The following THSD4 variants were observed in gnomAD, a reference collection of about 807,000 sequenced individuals.
THSD4 encodes the protein thrombospondin type-1 domain-containing protein 4.
In THSD4, 69 loss-of-function variants were observed where a neutral mutation model predicts 119.0. That is an observed-to-expected ratio of 0.58 (90% CI 0.48 to 0.71). THSD4 has a LOEUF of 0.71. Among genes scored for constraint, THSD4 ranks in the 30% least tolerant of loss-of-function variants. The pLI is 0.00. For synonymous variants in THSD4, 524 were observed against 540.4 expected (o/e 0.97, Z 0.42); for missense variants, 1,393 against 1,391.1 (o/e 1.00, Z -0.02).
chr15:71,384,735 A>G (rs1193241378), intron 6 of THSD4, among the ~76,000 whole-genome samples: 1 of 152,202 alleles, frequency 6.6e-6, no homozygotes. Flanking sequence ...AGTGCCGTTC[A>G]TTTGGAACCA....
At chr15:71,141,741 T>G (rs2040606909) in intron 2 of THSD4, among the ~76,000 whole-genome samples, 185 bp downstream of exon 2, 1 of 152,212 alleles carries the variant, frequency 6.6e-6, no homozygotes, top group African/African-American at 2.4e-5. Flanking sequence ...GGGAGCTGTG[T>G]GCTGTGCTGA....
intron 7 of THSD4, among the ~76,000 whole-genome samples, chr15:71,514,777 G>A (rs72735347): frequency 0.13 from 19,823 of 152,110 alleles, 1,573 homozygotes; most frequent in Non-Finnish European, 0.17. Flanking sequence ...AAACAAAAAT[G>A]GGATCATATA....
chr15:71,611,492 G>A (rs1328590599), intron 7 of THSD4, among the ~76,000 whole-genome samples: 7 of 152,174 alleles, frequency 4.6e-5, no homozygotes, highest in East Asian at 1.9e-4. Flanking sequence ...CAGTGAAAAC[G>A]CTACAGTGCT....
At chr15:71,396,556 C>T (rs1049525280) in intron 6 of THSD4, among the ~76,000 whole-genome samples, 3 of 152,192 alleles carry the variant, frequency 2.0e-5, no homozygotes, top group Non-Finnish European at 4.4e-5. Context: ...GCCACATCAT[C>T]TTGCTGGAGG....
intron 5 of THSD4, among the ~76,000 whole-genome samples, chr15:71,247,235 T>G (rs1039449667): frequency 6.6e-6 from 1 of 151,268 alleles, no homozygotes; most frequent in Non-Finnish European, 1.5e-5. Context: ...TGTTTTTTTG[T>G]TTTTTGAGAC....
chr15:71,266,011 A>G (rs892882167), intron 6 of THSD4, among the ~76,000 whole-genome samples: 12 of 152,344 alleles, frequency 7.9e-5, no homozygotes, highest in South Asian at 2.1e-4. Flanking sequence ...GCCTGGGGGA[A>G]GGGGCGGATG....
chr15:71,250,808 G>T (rs764617150), intron 5 of THSD4, among the ~76,000 whole-genome samples: 1 of 152,120 alleles, frequency 6.6e-6, no homozygotes, highest in Admixed American at 6.5e-5. Flanking sequence ...TGATTGGCCT[G>T]GGTGAAAGGC....
chr15:71,198,054 C>T (rs1047878372), intron 3 of THSD4, among the ~76,000 whole-genome samples: 2 of 152,016 alleles, frequency 1.3e-5, no homozygotes, highest in African/African-American at 4.8e-5. Context: ...CAGGAGTGTG[C>T]GACCAGCCTG....
At chr15:71,129,598 T>G (rs1423357995) in intron 1 of THSD4, among the ~76,000 whole-genome samples, 1 of 152,210 alleles carries the variant, frequency 6.6e-6, no homozygotes, top group East Asian at 1.9e-4. Context: ...CATTTTCTAA[T>G]TTATGTGATG....
intron 7 of THSD4, among the ~76,000 whole-genome samples, chr15:71,567,596 A>C (rs1483286173): frequency 1.1e-3 from 144 of 132,012 alleles, no homozygotes; most frequent in African/African-American, 1.4e-3. Context: ...GAACAAAGAC[A>C]CCCCCCCACA....
At chr15:71,209,847 T>C (rs2043874572) in intron 3 of THSD4, among the ~76,000 whole-genome samples, 1 of 152,148 alleles carries the variant, frequency 6.6e-6, no homozygotes, top group Non-Finnish European at 1.5e-5. Context: ...TGATAGTGAG[T>C]AAATTTCACG....
intron 7 of THSD4, among the ~76,000 whole-genome samples, chr15:71,499,174 A>AT (rs1289723752): frequency 6.6e-6 from 1 of 151,998 alleles, no homozygotes; most frequent in East Asian, 1.9e-4. Context: ...CTCTGGTCTA[A>AT]TTGATGCAAC....
intron 6 of THSD4, among the ~76,000 whole-genome samples, chr15:71,265,682 G>A (rs1421946730): frequency 6.6e-6 from 1 of 152,198 alleles, no homozygotes; most frequent in Non-Finnish European, 1.5e-5. Context: ...CCCCCACGGA[G>A]CCCAGGAAGC....
intron 7 of THSD4, among the ~76,000 whole-genome samples, chr15:71,467,915 C>T (rs1198043841): frequency 2.7e-5 from 4 of 149,722 alleles, no homozygotes; most frequent in Non-Finnish European, 5.9e-5. Context: ...GTGGCATGAT[C>T]TCGGCTCACT....
chr15:71,217,101 G>A (rs913969042), intron 4 of THSD4, among the ~76,000 whole-genome samples: 7 of 152,264 alleles, frequency 4.6e-5, no homozygotes, highest in African/African-American at 1.7e-4. Flanking sequence ...CTGGCCCATA[G>A]TCCCTTATCT....
Position 71,585,085 on chromosome 15 carries a change from T to A in THSD4, c.1153-75445T>A, listed in dbSNP as rs150800791. The stretch of plus-strand genomic sequence containing the variant: ...ATAGTTATTTTTACTATTTTGTCTT[T>A]TCACTTTATACCAGAATTAAAAGTA... On this transcript the variant is annotated intron_variant, in intron 7 of 17. Coordinates refer to ENST00000261862, the MANE Select transcript of THSD4 (RefSeq NM_024817.3). Among the ~76,000 whole-genome samples, 1,379 of 152,354 alleles carry A rather than the reference T, an allele frequency of 9.1e-3. 31 individuals carry two copies. Among genetic ancestry groups the A allele is most frequent in the Middle Eastern group, 0.017 (5 of 294 alleles).
At chr15:71,728,874 G>A in intron 9 of THSD4, 150 bp downstream of exon 9, 2 of 992,226 alleles carry the variant, frequency 2.0e-6, no homozygotes, top group Non-Finnish European at 3.0e-6. Context: ...TTGAATGCTT[G>A]GCGTTCATCT....
intron 7 of THSD4, among the ~76,000 whole-genome samples, chr15:71,461,696 T>A (rs2140616046): frequency 6.6e-6 from 1 of 152,228 alleles, no homozygotes; most frequent in African/African-American, 2.4e-5. Flanking sequence ...GAAACAAAAA[T>A]ACAGTCCAGA....
Position 71,154,884 on chromosome 15 carries a change from G to T in THSD4, c.51G>T (p.Leu17=). ...TCAGTGTCCTGTGTTTCCTTCTGCT[G>T]CTTGGATTCCAGTTCGTCTGCCCAC... ...GSLSVLCFLL[L]LGFQFVCPQP... is the part of the protein sequence containing the mutation. Residue 17 remains leucine (L), a synonymous_variant, in exon 3 of 18, where the codon CTG becomes CTT. Coordinates refer to ENST00000261862, the MANE Select transcript of THSD4 (RefSeq NM_024817.3). The T allele has an allele frequency of 6.2e-7, 1 of 1,614,096 alleles. No individual in the cohort carries two copies.
Sources: gnomAD v4.1 joint callset for allele counts (sites outside exome capture counted in the v4.1 genomes callset) on GRCh38, gnomAD v4.1.1 for gene constraint, MANE v1.5 for transcripts, NCBI Gene and HGNC (gene_info 2026-07-23, HGNC 2026-07-21) for gene names.